SLC9A1: variants seen among roughly 807,000 people sequenced by gnomAD.
SLC9A1 encodes solute carrier family 9 member A1, also known as sodium/hydrogen exchanger 1.
SLC9A1 carries 22 observed loss-of-function variants against 67.9 expected under a neutral mutation model. The ratio of observed to expected loss-of-function variants is 0.32; its 90% CI spans 0.23 to 0.46. The LOEUF (loss-of-function observed/expected upper bound fraction) is 0.46. Among genes scored for constraint, SLC9A1 ranks in the 20% least tolerant of loss-of-function variants. The pLI, the probability that SLC9A1 is intolerant of heterozygous loss-of-function variation, is 1.00. For synonymous variants in SLC9A1, 421 were observed against 471.8 expected, an observed-to-expected ratio of 0.89 and a Z score of 1.40; for missense variants, 686 against 1,094.8, an observed-to-expected ratio of 0.63 and a Z score of 5.27.
intron 1 of SLC9A1, among the ~76,000 whole-genome samples, chr1:27,151,692 G>A (rs553646914): frequency 6.6e-6 from 1 of 152,294 alleles, no homozygotes; most frequent in South Asian, 2.1e-4. Flanking sequence ...TGAGGAAACT[G>A]AGGCTCAGAG....
intron 1 of SLC9A1, among the ~76,000 whole-genome samples, chr1:27,138,635 G>C (rs2083434798): frequency 6.6e-6 from 1 of 152,118 alleles, no homozygotes; most frequent in Non-Finnish European, 1.5e-5. Context: ...GCGCGAGGCA[G>C]TCTATGGGCA....
rs2083149499 is a variant in SLC9A1 at position 27,102,011 on chromosome 1, C to T, written c.1935+5G>A. 1 of 1,605,026 alleles carries T rather than the reference C, an allele frequency of 6.2e-7. No homozygotes were observed. Among genetic ancestry groups the T allele is most frequent in the Admixed American group, 1.7e-5 (1 of 59,994 alleles). ...TGGGGGTCGGGCTGGGGAGCAGGCC[C>T]TCACCCGCTGCCTGGTCTTCTGCAA... On this transcript the variant is annotated splice_donor_5th_base_variant and intron_variant, in intron 9 of 11. Coordinates refer to ENST00000263980, the MANE Select transcript of SLC9A1 (RefSeq NM_003047.5).
intron 1 of SLC9A1, among the ~76,000 whole-genome samples, chr1:27,138,973 G>A (rs2083437209): frequency 6.6e-6 from 1 of 152,074 alleles, no homozygotes; most frequent in Non-Finnish European, 1.5e-5. Flanking sequence ...GAATCACCCG[G>A]GTTGGAGAAG....
intron 4 of SLC9A1, among the ~76,000 whole-genome samples, chr1:27,107,200 A>G: frequency 7.4e-6 from 1 of 136,020 alleles, no homozygotes; most frequent in Non-Finnish European, 1.6e-5. Flanking sequence ...CCACACACAC[A>G]CACACACACC....
Position 27,105,914 on chromosome 1 carries a change from T to A in SLC9A1, c.1456A>T (p.Thr486Ser), listed in dbSNP as rs757267819. ...ACAAAGACGGTGAAGAAGATGACAG[T>A]GATGATGGCAGTGAGGAACAGGTCA... Reference protein sequence around the residue: ...MCDLFLTAIITVIFFTVFVQG... With the variant: ...MCDLFLTAIISVIFFTVFVQG... Residue 486 changes from threonine (T) to serine (S), a missense_variant, in exon 5 of 12, where the codon ACT (threonine) becomes TCT (serine). Coordinates refer to ENST00000263980, the MANE Select transcript of SLC9A1 (RefSeq NM_003047.5). 2.5e-6 allele frequency: 4 copies of A among 1,613,376 alleles called. No homozygotes were observed. The highest frequency in any genetic ancestry group is 3.4e-6 in the Non-Finnish European group (4 of 1,180,004).
rs767640230 is a variant in SLC9A1, at chr1:27,106,046, C to T, written c.1324G>A (p.Val442Met). The stretch of plus-strand genomic sequence containing the variant: ...AACTGGTCCTTGGGGGTCAGCTTCA[C>T]GATACGGAACTTGTTGATGAACCAG... ...LTWFINKFRI[V>M]KLTPKDQFII... Residue 442 changes from valine (V) to methionine (M), a missense_variant, in exon 5 of 12, where the codon GTG (valine) becomes ATG (methionine). Val to Met is a conservative substitution (Grantham distance 21). This residue lies in a region of SLC9A1 where 168 missense variants were observed against 375.4 expected (regional missense o/e 0.45). Transcript: ENST00000263980. This position sits in a 1 kb window ranked among gnomAD's most constrained non-coding sequence, Gnocchi z 4.3. 8.1e-6 allele frequency: 13 copies of T among 1,613,510 alleles called. No individual in the cohort carries two copies. The highest frequency in any genetic ancestry group is 1.0e-5 in the Non-Finnish European group (12 of 1,179,980).
chr1:27,101,003 A>C lies in SLC9A1; in HGVS notation c.2110+200T>G, dbSNP rs1174845250. Among the ~76,000 whole-genome samples the C allele has an allele frequency of 6.6e-6, 1 of 152,048 alleles. No individual in the cohort carries two copies. Among genetic ancestry groups the C allele is most frequent in the Non-Finnish European group, 1.5e-5 (1 of 67,992 alleles). On this transcript the variant is annotated intron_variant, in intron 11 of 11. Transcript: ENST00000263980. This position sits in a 1 kb window ranked among gnomAD's most constrained non-coding sequence, Gnocchi z 4.9. The stretch of plus-strand genomic sequence containing the variant: ...GGCACCGTGGCTCTCCCAGCTCCCC[A>C]CACAGTCCTCGCCCGGAACGTCTCT...
intron 1 of SLC9A1, among the ~76,000 whole-genome samples, chr1:27,122,394 AGT>A (rs1209403369): frequency 1.3e-5 from 2 of 152,316 alleles, no homozygotes; most frequent in African/African-American, 2.4e-5. Flanking sequence ...AAGGGGGAAG[AGT>A]GTGAACAAAT....
At chr1:27,111,416 G>A (rs2083227031) in intron 2 of SLC9A1, among the ~76,000 whole-genome samples, 1 of 152,150 alleles carries the variant, frequency 6.6e-6, no homozygotes, top group African/African-American at 2.4e-5. Flanking sequence ...TCAGGCTTAT[G>A]TAACCTCTCC....
intron 1 of SLC9A1, among the ~76,000 whole-genome samples, chr1:27,153,274 T>C (rs1004874697): frequency 1.3e-5 from 2 of 152,048 alleles, no homozygotes; most frequent in Non-Finnish European, 2.9e-5. Flanking sequence ...CAACCTCCTC[T>C]ACTCTCCCTC....
chr1:27,117,919 C>T (rs773209774), intron 1 of SLC9A1, among the ~76,000 whole-genome samples: 21 of 152,206 alleles, frequency 1.4e-4, no homozygotes, highest in Non-Finnish European at 2.5e-4. Context: ...GACTCTGAAC[C>T]TCCGTGAGCA....
chr1:27,116,727 CT>C (rs967242078), intron 1 of SLC9A1, among the ~76,000 whole-genome samples: 2 of 152,202 alleles, frequency 1.3e-5, no homozygotes, highest in African/African-American at 4.8e-5. Context: ...CCAAGTCTCT[CT>C]TGCTGTAGAG....
At chr1:27,112,568 C>T (rs112208368) in intron 2 of SLC9A1, among the ~76,000 whole-genome samples, 3 of 152,292 alleles carry the variant, frequency 2.0e-5, no homozygotes, top group African/African-American at 7.2e-5. Context: ...AAGCACTAAT[C>T]CTCTGCCACT....
chr1:27,153,831 GC>G (rs1241004851), intron 1 of SLC9A1, 151 bp downstream of exon 1: 1 of 576,158 alleles, frequency 1.7e-6, no homozygotes. Flanking sequence ...CAGAACTGGA[GC>G]CTGAGAAGGA....
At position 27,131,947 on chromosome 1, in the gene SLC9A1, A is replaced by AAAAAATAT; in HGVS notation, c.353-17662_353-17661insATATTTTT. Among the ~76,000 whole-genome samples the AAAAAATAT allele has an allele frequency of 7.2e-3, 373 of 52,016 alleles. 1 individual carries two copies. The highest frequency in any genetic ancestry group is 0.011 in the Non-Finnish European group (295 of 25,996). The allele number at this position is 52,016 out of a possible 152,430, so 34.1% of individuals were successfully genotyped here. ...AAAAGAAGAAGAAGAAGAAAAAAAA[A>AAAAAATAT]ATATATATATATATATATATATATA... On this transcript the variant is annotated intron_variant, in intron 1 of 11. Coordinates refer to ENST00000263980, the MANE Select transcript of SLC9A1 (RefSeq NM_003047.5).
intron 2 of SLC9A1, among the ~76,000 whole-genome samples, chr1:27,110,297 G>A (rs529270868): frequency 6.6e-6 from 1 of 152,118 alleles, no homozygotes; most frequent in Admixed American, 6.5e-5. Flanking sequence ...CCCTCCTTCA[G>A]CACAAAAAAG....
At chr1:27,125,992 C>T (rs927554823) in intron 1 of SLC9A1, among the ~76,000 whole-genome samples, 1 of 152,180 alleles carries the variant, frequency 6.6e-6, no homozygotes, top group Non-Finnish European at 1.5e-5. Flanking sequence ...TCACTGTCCC[C>T]TAGCTCTACT....
intron 6 of SLC9A1, 32 bp from the exon 7 acceptor site, chr1:27,102,775 G>A (rs762639342): frequency 9.4e-6 from 15 of 1,593,852 alleles, no homozygotes; most frequent in South Asian, 3.3e-5. Context: ...GTCAAGCCTC[G>A]CTGTGGGGCG....
At position 27,102,444 on chromosome 1, in the gene SLC9A1, C is replaced by G. The variant is rs749370600; in HGVS notation, c.1761G>C (p.Glu587Asp). The change falls in exon 8 of 12, where the codon GAG becomes GAC. Residue 587 changes from glutamate to aspartate, a missense_variant. Around this residue, in one of 7 missense-constraint regions of SLC9A1, gnomAD observed 168 missense variants for 375.4 expected, o/e 0.45. Transcript: ENST00000263980. ...TGCCCATGCCCCCGCTCTCCACCAG[C>G]TCGATGGCCTGCTTCATCTCCATCT... ...YHKMEMKQAI[E>D]LVESGGMGKI... 3 of 1,610,760 alleles carry G rather than the reference C, an allele frequency of 1.9e-6. No individual in the cohort carries two copies. In the South Asian group the frequency reaches 3.3e-5, roughly 18 times the overall value.
Sources: allele counts gnomAD v4.1 joint callset (sites outside exome capture counted in the v4.1 genomes callset), GRCh38; gene constraint gnomAD v4.1.1; regional missense constraint gnomAD v4.1.1; non-coding constraint Gnocchi (gnomAD v3.1); transcripts MANE v1.5; gene names NCBI Gene and HGNC (gene_info 2026-07-23, HGNC 2026-07-21).